The following OPCML variants were observed in gnomAD, a reference collection of about 807,000 sequenced individuals.
The protein encoded by OPCML is opioid binding protein/cell adhesion molecule like.
In OPCML, 13 loss-of-function variants were observed where a neutral mutation model predicts 37.8. The ratio of observed to expected loss-of-function variants is 0.34; its 90% CI spans 0.22 to 0.55. OPCML has a LOEUF of 0.55. Among genes scored for constraint, OPCML ranks in the 20% least tolerant of loss-of-function variants. OPCML has a pLI of 0.91. For missense variants in OPCML, 341 were observed against 435.6 expected, an observed-to-expected ratio of 0.78 and a Z score of 1.93; for synonymous variants, 176 against 168.8, an observed-to-expected ratio of 1.04 and a Z score of -0.33.
chr11:132,922,625 A>C (rs1282734136), intron 2 of OPCML, among the ~76,000 whole-genome samples: 4 of 152,150 alleles, frequency 2.6e-5, no homozygotes, highest in Non-Finnish European at 5.9e-5. Context: ...GGTCCTTATA[A>C]CACAGCCTAC....
At chr11:133,006,224 T>C (rs2136862204) in intron 1 of OPCML, 2 of 687,864 alleles carry the variant, frequency 2.9e-6, no homozygotes, top group South Asian at 1.3e-4. Context: ...CTCGTCTTCC[T>C]GCGTGGAACC....
chr11:132,471,310 G>A (rs1183625743), intron 4 of OPCML, among the ~76,000 whole-genome samples: 1 of 152,084 alleles, frequency 6.6e-6, no homozygotes, highest in Non-Finnish European at 1.5e-5. Flanking sequence ...TGCTCTTCAG[G>A]TACTGCTCCT....
At chr11:132,957,785 G>T (rs1021516986) in intron 1 of OPCML, among the ~76,000 whole-genome samples, 2 of 152,064 alleles carry the variant, frequency 1.3e-5, no homozygotes, top group Non-Finnish European at 2.9e-5. Flanking sequence ...TTGTTTTGGG[G>T]CAGCACGAGC....
intron 1 of OPCML, among the ~76,000 whole-genome samples, chr11:133,524,708 G>A (rs1409392762): frequency 1.3e-5 from 2 of 152,210 alleles, no homozygotes; most frequent in East Asian, 1.9e-4. Context: ...GTGTTTGGTC[G>A]GTAGCTCAGA....
intron 1 of OPCML, among the ~76,000 whole-genome samples, chr11:133,157,864 T>A (rs1177286764): frequency 6.6e-6 from 1 of 152,102 alleles, no homozygotes; most frequent in Non-Finnish European, 1.5e-5. Flanking sequence ...TGCAAGAAAA[T>A]GAGCAAAGAA....
At chr11:133,018,382 T>C (rs1181004353) in intron 1 of OPCML, among the ~76,000 whole-genome samples, 1 of 152,156 alleles carries the variant, frequency 6.6e-6, no homozygotes, top group Non-Finnish European at 1.5e-5. Flanking sequence ...TTTACTTCTT[T>C]TTCCCCTCCT....
At chr11:133,334,834 G>C (rs1245189716) in intron 1 of OPCML, among the ~76,000 whole-genome samples, 1 of 152,102 alleles carries the variant, frequency 6.6e-6, no homozygotes, top group African/African-American at 2.4e-5. Context: ...GAGAGGGTTT[G>C]TAGAGGCCAT....
At chr11:132,872,602 G>A (rs1482897143) in intron 2 of OPCML, among the ~76,000 whole-genome samples, 1 of 152,102 alleles carries the variant, frequency 6.6e-6, no homozygotes, top group Admixed American at 6.5e-5. Flanking sequence ...TTTATAGAAA[G>A]GACTCTGAGG....
intron 1 of OPCML, among the ~76,000 whole-genome samples, chr11:132,962,003 C>T (rs943363257): frequency 6.6e-6 from 1 of 152,226 alleles, no homozygotes; most frequent in Admixed American, 6.5e-5. Context: ...TGTTACAATA[C>T]ATTTGACCTA....
At chr11:132,638,186 T>TATATAGAGAGAGAGAGAG (rs71067383) in intron 3 of OPCML, among the ~76,000 whole-genome samples, 3 of 131,020 alleles carry the variant, frequency 2.3e-5, no homozygotes, top group African/African-American at 8.3e-5. Context: ...TATATATATA[T>TATATAGAGAGAGAGAGAG]ACAGAGAGAG....
At chr11:133,083,254 G>T (rs1037204826) in intron 1 of OPCML, among the ~76,000 whole-genome samples, 1 of 152,108 alleles carries the variant, frequency 6.6e-6, no homozygotes, top group Non-Finnish European at 1.5e-5. Context: ...CGGGAGCCGC[G>T]GGCTTTGCCT....
chr11:132,526,859 A>T (rs1028396817), intron 4 of OPCML, among the ~76,000 whole-genome samples: 3 of 152,070 alleles, frequency 2.0e-5, no homozygotes, highest in African/African-American at 7.2e-5. Flanking sequence ...ATCCCCCAGA[A>T]TTTCTTGTGG....
intron 1 of OPCML, among the ~76,000 whole-genome samples, chr11:133,265,138 G>A (rs1592151339): frequency 6.6e-6 from 1 of 152,180 alleles, no homozygotes; most frequent in South Asian, 2.1e-4. Context: ...CCAGAGAGGA[G>A]TGGAGAGGAG....
intron 1 of OPCML, among the ~76,000 whole-genome samples, chr11:133,397,203 T>G (rs1945305845): frequency 6.6e-6 from 1 of 152,204 alleles, no homozygotes; most frequent in Non-Finnish European, 1.5e-5. Flanking sequence ...TCTTCCCCAG[T>G]TGGGCTGGAT....
rs532032992 is a variant in OPCML, at chr11:133,439,763, G to A, written c.61+92501C>T. ...ATTGCAGGTGTGAGCCACCGAGCCC[G>A]GCCCAACCTAAGTCTTATAATAAAA... On this transcript the variant is annotated intron_variant, in intron 1 of 7. Transcript: ENST00000524381. 5.3e-5 allele frequency among the ~76,000 whole-genome samples: 8 copies of A among 151,864 alleles called. No homozygotes were observed. The South Asian group carries it at 6.3e-4, about 12-fold the overall frequency.
chr11:132,974,948 C>G (rs1336392242), intron 1 of OPCML, among the ~76,000 whole-genome samples: 1 of 151,742 alleles, frequency 6.6e-6, no homozygotes. Flanking sequence ...TCTCCAGAGT[C>G]TATAGCTTCA....
intron 1 of OPCML, among the ~76,000 whole-genome samples, chr11:133,093,832 C>T (rs117270148): frequency 2.4e-4 from 37 of 151,856 alleles, no homozygotes; most frequent in African/African-American, 8.0e-4. Context: ...GAAGGCAGCA[C>T]GATGCAAATG....
At chr11:133,068,876 C>A (rs1246235097) in intron 1 of OPCML, among the ~76,000 whole-genome samples, 9 of 152,084 alleles carry the variant, frequency 5.9e-5, no homozygotes, top group Non-Finnish European at 1.5e-5. Context: ...CTACACATAC[C>A]AAAGAGGTAG....
chr11:133,191,504 GGTGTGTGTGTGTGT>G (rs56143154), intron 1 of OPCML, among the ~76,000 whole-genome samples: 4 of 142,360 alleles, frequency 2.8e-5, no homozygotes, highest in African/African-American at 7.8e-5. Flanking sequence ...TGTGTGTGTG[GGTGTGTGTGTGTGT>G]GTGTGTGTGT....
Sources: allele counts gnomAD v4.1 joint callset (sites outside exome capture counted in the v4.1 genomes callset), GRCh38; gene constraint gnomAD v4.1.1; transcripts MANE v1.5; gene names NCBI Gene and HGNC (gene_info 2026-07-23, HGNC 2026-07-21).